Variants in NOXA1 observed in about 807,000 individuals in gnomAD.
The protein encoded by NOXA1 is NCF2-like protein.
NOXA1 carries 56 observed loss-of-function variants against 64.8 expected under a neutral mutation model. The observed-to-expected ratio is 0.86, with a 90% CI of 0.70 to 1.08. The LOEUF (loss-of-function observed/expected upper bound fraction) is 1.08. Ranked by LOEUF, NOXA1 falls within the 50% of genes least tolerant of loss-of-function variation. The pLI is 0.00. For missense variants in NOXA1, 668 were observed against 658.5 expected (o/e 1.01, Z -0.16); for synonymous variants, 295 against 294.8 (o/e 1.00, Z -0.01).
At chr9:137,433,384 G>C (rs898563693) in intron 10 of NOXA1, 69 bp from the exon 11 acceptor site, 3 of 1,523,708 alleles carry the variant, frequency 2.0e-6, no homozygotes, top group Middle Eastern at 2.3e-4. Flanking sequence ...CACACCCCTC[G>C]GGCTGAAGAC....
At position 137,434,319 on chromosome 9, in the gene NOXA1, C is replaced by G; in HGVS notation, c.1390C>G (p.Pro464Ala). The G allele has an allele frequency of 1.2e-6, 2 of 1,608,886 alleles. No individual in the cohort carries two copies. Among genetic ancestry groups the G allele is most frequent in the Middle Eastern group, 1.7e-4 (1 of 6,050 alleles). Residue 464 changes from proline to alanine, a missense_variant, in exon 14 of 14, where the codon CCC becomes GCC. Physicochemically the swap from Pro to Ala is conservative, Grantham distance 27 (BLOSUM62 -1). Coordinates refer to ENST00000683555, the MANE Select transcript of NOXA1 (RefSeq NM_001256067.2). The stretch of plus-strand genomic sequence containing the variant: ...CGCCGGCCCTCGGATGTCAGGAGCC[C>G]CCGGCCGCCTGCCCCGATCCCAGCA... Reference protein sequence around the residue: ...VPAGPRMSGAPGRLPRSQQGD... With the variant: ...VPAGPRMSGAAGRLPRSQQGD...
At chr9:137,424,410 T>C (rs1383546716) in intron 1 of NOXA1, among the ~76,000 whole-genome samples, 1 of 152,168 alleles carries the variant, frequency 6.6e-6, no homozygotes, top group Non-Finnish European at 1.5e-5. Context: ...TGCGTACAAA[T>C]TTACAATCAC....
At chr9:137,432,952 G>T (rs1056576211) in intron 8 of NOXA1, 77 bp from the exon 9 acceptor site, 1 of 1,523,616 alleles carries the variant, frequency 6.6e-7, no homozygotes, top group Non-Finnish European at 9.0e-7. Context: ...CACACCCTTG[G>T]TGTGGGCTCT....
In NOXA1 at chr9:137,433,237, C is replaced by G. The variant is rs578190978; in HGVS notation, c.883C>G (p.Pro295Ala). 2 of 1,600,952 alleles carry G rather than the reference C, an allele frequency of 1.2e-6. No homozygotes were observed. The highest frequency in any genetic ancestry group is 2.2e-5 in the East Asian group (1 of 44,562). ...LPAMGGPGPG[P>A]CEDPAGAGGA... is the part of the protein sequence containing the mutation. The stretch of plus-strand genomic sequence containing the variant: ...GGCAATGGGGGGGCCTGGCCCCGGC[C>G]CCTGTGAGGACCCCGCGGGTGCTGG... The change falls in exon 10 of 14, where the codon CCC becomes GCC. Residue 295 changes from proline (P) to alanine (A), a missense_variant. Pro to Ala is a conservative substitution (Grantham distance 27). Transcript: ENST00000683555.
intron 2 of NOXA1, among the ~76,000 whole-genome samples, chr9:137,426,835 C>T (rs904376624): frequency 6.6e-6 from 1 of 152,234 alleles, no homozygotes; most frequent in African/African-American, 2.4e-5. Flanking sequence ...CTTGCTCTGT[C>T]ATCCAGGCTG....
intron 2 of NOXA1, among the ~76,000 whole-genome samples, chr9:137,426,907 C>T (rs1381129214): frequency 6.6e-6 from 1 of 152,204 alleles, no homozygotes; most frequent in African/African-American, 2.4e-5. Context: ...AGCGATTCTC[C>T]TGCCTTAGCC....
At chr9:137,428,241 C>T (rs887616471) in intron 3 of NOXA1, 100 bp downstream of exon 3, 19 of 836,472 alleles carry the variant, frequency 2.3e-5, no homozygotes, top group Admixed American at 1.4e-4. Flanking sequence ...CGCCTCTGGC[C>T]GAAGCTCTTG....
Position 137,426,274 on chromosome 9 carries a change from C to T in NOXA1, c.204C>T (p.Asp68=), listed in dbSNP as rs201536982. ...CATTTGACCAAGCCGTGACCAAGGA[C>T]ACCTGCATGGCGGTTGGCTTCTTCC... ...LRAFDQAVTK[D]TCMAVGFFQR... Residue 68 remains aspartate (D), a synonymous_variant, in exon 2 of 14, where the codon GAC becomes GAT. Transcript: ENST00000683555. The T allele has an allele frequency of 1.2e-6, 2 of 1,613,750 alleles. No homozygotes were observed. Among genetic ancestry groups the T allele is most frequent in the East Asian group, 2.2e-5 (1 of 44,900 alleles).
At chr9:137,432,602 C>T (rs1391596058) in intron 8 of NOXA1, among the ~76,000 whole-genome samples, 1 of 152,216 alleles carries the variant, frequency 6.6e-6, no homozygotes, top group Admixed American at 6.5e-5. Flanking sequence ...CAATGCCTGA[C>T]CCTCAGGGTC....
rs28584601 is a variant in NOXA1, at chr9:137,431,800, G to A, written c.804+459G>A. On this transcript the variant is annotated intron_variant, in intron 8 of 13. Coordinates refer to ENST00000683555, the MANE Select transcript of NOXA1 (RefSeq NM_001256067.2). The surrounding 1 kb of genome is among the most constrained non-coding windows in gnomAD (Gnocchi z 5.6). ...GACACCCCGGCACCTGGGGAGAGGC[G>A]GAGGAAGGCAGGAACCCCAGCTGCT... 1.1e-3 allele frequency among the ~76,000 whole-genome samples: 175 copies of A among 152,306 alleles called. No homozygotes were observed. The highest frequency in any genetic ancestry group is 4.1e-3 in the African/African-American group (170 of 41,564).
chr9:137,433,205 G>A lies in NOXA1; in HGVS notation c.851G>A (p.Gly284Glu), dbSNP rs752193230. ...GTGTCAGTCTTGCTCTGTCCTACAG[G>A]GCTGCCGGCAATGGGGGGGCCTGGC... ...QVGKQAPLSP[G>E]LPAMGGPGPG... The change falls in exon 10 of 14, where the codon GGG becomes GAG. Residue 284 changes from glycine to glutamate, a missense_variant and splice_region_variant. Physicochemically the swap from Gly to Glu is moderately conservative, Grantham distance 98 (BLOSUM62 -2). Transcript: ENST00000683555. The A allele has an allele frequency of 1.2e-6, 2 of 1,608,198 alleles. No individual in the cohort carries two copies. The highest frequency in any genetic ancestry group is 1.7e-6 in the Non-Finnish European group (2 of 1,178,048).
rs1342359320 is a variant in NOXA1, at chr9:137,423,682, CG to C, written c.157del (p.Asp53ThrfsTer13). ...ACGCGGGCTGCGTGCACCTGCTGGCCGGGGACCCCGAGGCCGCGCTGCGGGT... is the reference window on the plus strand; with the variant it reads ...ACGCGGGCTGCGTGCACCTGCTGGCCGGGACCCCGAGGCCGCGCTGCGGGT... ...FNAGCVHLLAGDPEAALRAFD... is the reference protein window; with the variant it reads ...FNAGCVHLLAXDPEAALRAFD... On this transcript the variant is annotated frameshift_variant, in exon 1 of 14. Transcript: ENST00000683555. LOFTEE classifies it high-confidence loss of function. 7 of 1,356,156 alleles carry C rather than the reference CG, an allele frequency of 5.2e-6. No individual in the cohort carries two copies. The highest frequency in any genetic ancestry group is 1.7e-5 in the South Asian group (1 of 58,474). 84.0% of individuals were successfully genotyped at this position (1,356,156 alleles called of 1,614,324 possible).
chr9:137,427,783 G>A (rs1838902193), intron 2 of NOXA1, among the ~76,000 whole-genome samples: 1 of 152,202 alleles, frequency 6.6e-6, no homozygotes, highest in Admixed American at 6.5e-5. Context: ...AGGGGCCCAG[G>A]AAGCTGAGTC....
At chr9:137,433,374 C>A in intron 10 of NOXA1, 79 bp from the exon 11 acceptor site, 1 of 1,510,704 alleles carries the variant, frequency 6.6e-7, no homozygotes. Flanking sequence ...AGTCTCTGTC[C>A]ACACCCCTCG....
In NOXA1 at chr9:137,430,867, C is replaced by T. The variant is rs536209715; in HGVS notation, c.672+24C>T. 16 of 1,565,498 alleles carry T rather than the reference C, an allele frequency of 1.0e-5. No individual in the cohort carries two copies. The East Asian group carries it at 3.2e-4, about 31-fold the overall frequency. On this transcript the variant is annotated intron_variant, in intron 6 of 13. Coordinates refer to ENST00000683555, the MANE Select transcript of NOXA1 (RefSeq NM_001256067.2). ...AGGTGGGTTTGCGGCCCCTCAGACC[C>T]CTGCCTGGCCTCACCCAGCTTTCTG...
In NOXA1 at chr9:137,431,948, T is replaced by C. The variant is rs1005922927; in HGVS notation, c.804+607T>C. 3.3e-5 allele frequency among the ~76,000 whole-genome samples: 5 copies of C among 152,148 alleles called. No individual in the cohort carries two copies. The highest frequency in any genetic ancestry group is 6.5e-5 in the Admixed American group (1 of 15,280). On this transcript the variant is annotated intron_variant, in intron 8 of 13. Coordinates refer to ENST00000683555, the MANE Select transcript of NOXA1 (RefSeq NM_001256067.2). The surrounding 1 kb of genome is among the most constrained non-coding windows in gnomAD (Gnocchi z 5.6). Reference sequence around the variant, plus strand: ...CAGGAAGCAGCCCCGGCACTCTCTCTTTATGGATGCCCACTTCCAGTTTAA... The same window carrying C: ...CAGGAAGCAGCCCCGGCACTCTCTCCTTATGGATGCCCACTTCCAGTTTAA...
chr9:137,425,146 T>C (rs11562621), intron 1 of NOXA1, among the ~76,000 whole-genome samples: 49,634 of 151,998 alleles, frequency 0.33, 8,462 homozygotes, highest in East Asian at 0.61. Context: ...TGTGTGAACT[T>C]GGTTCAACGA....
Position 137,428,107 on chromosome 9 carries a change from A to G in NOXA1, c.335A>G (p.Gln112Arg). 1 of 1,580,120 alleles carries G rather than the reference A, an allele frequency of 6.3e-7. No individual in the cohort carries two copies. Among genetic ancestry groups the G allele is most frequent in the Middle Eastern group, 2.1e-4 (1 of 4,848 alleles). ...GGCCACGCTGCCATCGACTACACGC[A>G]GCTGGGCCTGCGGTTCAAGCTGCAA... ...LRGHAAIDYT[Q>R]LGLRFKLQAW... Residue 112 changes from glutamine (Q) to arginine (R), a missense_variant, in exon 3 of 14, where the codon CAG becomes CGG. Transcript: ENST00000683555.
In NOXA1 at chr9:137,429,173, G is replaced by A. The variant is rs896059656; in HGVS notation, c.505-103G>A. 7.6e-6 allele frequency: 10 copies of A among 1,321,068 alleles called. No homozygotes were observed. The South Asian group carries it at 1.2e-4, about 16-fold the overall frequency. 81.8% of individuals were successfully genotyped at this position (1,321,068 alleles called of 1,614,324 possible). A position where few individuals can be genotyped will look rare whatever the true frequency, so the allele number is the denominator to read the frequency against. On this transcript the variant is annotated intron_variant, in intron 4 of 13. Transcript: ENST00000683555. Reference sequence around the variant, plus strand: ...TTCCTGTGACCTGCGGGAAGGGGGTGGGGGGCCCAAGCGGCCCCTTCTGCT... The same window carrying A: ...TTCCTGTGACCTGCGGGAAGGGGGTAGGGGGCCCAAGCGGCCCCTTCTGCT...
Sources: gnomAD v4.1 joint callset for allele counts (sites outside exome capture counted in the v4.1 genomes callset) on GRCh38, gnomAD v4.1.1 for gene constraint, Gnocchi (gnomAD v3.1) non-coding constraint, MANE v1.5 for transcripts, NCBI Gene and HGNC (gene_info 2026-07-23, HGNC 2026-07-21) for gene names.